The following ESR1 variants were observed in gnomAD, a reference collection of about 807,000 sequenced individuals.
The protein encoded by ESR1 is estrogen receptor.
Under a neutral mutation model 52.7 loss-of-function variants are expected in ESR1, and 12 were observed. The observed-to-expected ratio is 0.23, with a 90% CI of 0.15 to 0.37. The LOEUF (loss-of-function observed/expected upper bound fraction) is 0.37, where lower values mean the gene tolerates loss of function less well. Ranked by LOEUF, ESR1 falls within the 10% of genes least tolerant of loss-of-function variation. The pLI is 1.00. For missense variants in ESR1, 584 were observed against 779.7 expected (o/e 0.75, Z 2.99); for synonymous variants, 305 against 316.8 (o/e 0.96, Z 0.39).
intron 3 of ESR1, among the ~76,000 whole-genome samples, chr6:151,918,147 G>T (rs2030747605): frequency 1.3e-5 from 2 of 152,174 alleles, no homozygotes; most frequent in African/African-American, 2.4e-5. Context: ...GACAGCATGT[G>T]AATTGAGTTT....
chr6:151,779,272 A>C (rs898338900), intron 2 of ESR1, among the ~76,000 whole-genome samples: 1 of 152,160 alleles, frequency 6.6e-6, no homozygotes. Context: ...TTTTTGTATA[A>C]GGTATAAGGA....
intron 4 of ESR1, among the ~76,000 whole-genome samples, chr6:152,001,048 C>G (rs2041905291): frequency 1.3e-5 from 2 of 152,050 alleles, no homozygotes; most frequent in South Asian, 2.1e-4. Flanking sequence ...GACCTAGTAC[C>G]AAGCCAGAGG....
chr6:151,820,966 C>A (rs1364678803), intron 1 of ESR1, among the ~76,000 whole-genome samples: 5 of 152,084 alleles, frequency 3.3e-5, no homozygotes, highest in African/African-American at 1.2e-4. Flanking sequence ...CGTCTCTTTG[C>A]ACAAATAACA....
intron 6 of ESR1, chr6:152,122,352 G>T: frequency 6.2e-7 from 1 of 1,609,618 alleles, no homozygotes; most frequent in Admixed American, 1.7e-5. Context: ...CCAAGATCAA[G>T]GTCCTCTTGT....
At chr6:152,022,280 G>T (rs542516350) in intron 5 of ESR1, among the ~76,000 whole-genome samples, 1 of 152,142 alleles carries the variant, frequency 6.6e-6, no homozygotes, top group Admixed American at 6.5e-5. Context: ...CGGTATTGGC[G>T]ACTGAAAGGA....
At chr6:151,904,249 G>A (rs7740131) in intron 3 of ESR1, among the ~76,000 whole-genome samples, 103 of 152,172 alleles carry the variant, frequency 6.8e-4, no homozygotes, top group African/African-American at 2.4e-3. Context: ...ATAAAACTGT[G>A]CACTCCTTTA....
At chr6:151,938,111 AC>A (rs2034590031) in intron 3 of ESR1, among the ~76,000 whole-genome samples, 1 of 152,238 alleles carries the variant, frequency 6.6e-6, no homozygotes, top group Non-Finnish European at 1.5e-5. Flanking sequence ...TTATTGAGAA[AC>A]AAAAGAAAGT....
In ESR1 at chr6:151,772,651, T is replaced by C. The variant is rs574964503; in HGVS notation, c.-70-35192T>C. Among the ~76,000 whole-genome samples the C allele has an allele frequency of 7.2e-5, 11 of 152,356 alleles. No homozygotes were observed. The South Asian group carries it at 2.3e-3, about 32-fold the overall frequency. On this transcript the variant is annotated intron_variant, in intron 2 of 2. Coordinates refer to the ESR1 transcript ENST00000404742. ...GCCAAGAAGGATGGGAGCAGCTGCA[T>C]GCTAGTGAGCAATTCAAAGTTGGAT... is the stretch of plus-strand genomic sequence containing the variant.
At chr6:151,742,917 T>C (rs1165289887) in intron 2 of ESR1, among the ~76,000 whole-genome samples, 2 of 152,198 alleles carry the variant, frequency 1.3e-5, no homozygotes, top group Non-Finnish European at 2.9e-5. Flanking sequence ...TGGTTGAGAA[T>C]ACAAGATGGA....
At chr6:151,959,649 C>G (rs928377398) in intron 4 of ESR1, among the ~76,000 whole-genome samples, 1 of 152,060 alleles carries the variant, frequency 6.6e-6, no homozygotes, top group Non-Finnish European at 1.5e-5. Flanking sequence ...AATCTGAGAT[C>G]TATGCACCCA....
At chr6:151,975,771 A>G (rs563241142) in intron 4 of ESR1, among the ~76,000 whole-genome samples, 1 of 152,338 alleles carries the variant, frequency 6.6e-6, no homozygotes, top group South Asian at 2.1e-4. Flanking sequence ...TTGACCAACA[A>G]CTGGGCACCA....
chr6:151,944,834 T>G (rs527447165), intron 4 of ESR1, among the ~76,000 whole-genome samples: 1 of 152,312 alleles, frequency 6.6e-6, no homozygotes, highest in South Asian at 2.1e-4. Context: ...AGCAGAAACT[T>G]TTAACACTAA....
At chr6:152,065,564 G>A (rs2047900845) in intron 6 of ESR1, among the ~76,000 whole-genome samples, 1 of 152,122 alleles carries the variant, frequency 6.6e-6, no homozygotes, top group African/African-American at 2.4e-5. Context: ...CTTAACCACA[G>A]TTCTATATAT....
At position 151,808,169 on chromosome 6, in the gene ESR1, C is replaced by T. The variant is rs1307404491; in HGVS notation, c.257C>T (p.Ala86Val). 11 of 1,586,992 alleles carry T rather than the reference C, an allele frequency of 6.9e-6. No homozygotes were observed. Among genetic ancestry groups the T allele is most frequent in the Middle Eastern group, 1.7e-4 (1 of 6,028 alleles). Residue 86 changes from alanine (A) to valine (V), a missense_variant, in exon 1 of 8, where the codon GCT becomes GTT. This residue lies in a region of ESR1 where 251 missense variants were observed against 246.1 expected (regional missense o/e 1.02). Coordinates refer to ENST00000206249, the MANE Select transcript of ESR1 (RefSeq NM_000125.4). ...CTCCCCTACGGCCCCGGGTCTGAGG[C>T]TGCGGCGTTCGGCTCCAACGGCCTG... ...TGLPYGPGSEAAAFGSNGLGG... is the reference protein window; with the variant it reads ...TGLPYGPGSEVAAFGSNGLGG...
At chr6:151,890,356 G>A (rs886477558) in intron 3 of ESR1, among the ~76,000 whole-genome samples, 12 of 152,048 alleles carry the variant, frequency 7.9e-5, no homozygotes, top group Non-Finnish European at 8.8e-5. Context: ...CAAAGTGCTG[G>A]GATTACAGGA....
intron 5 of ESR1, among the ~76,000 whole-genome samples, chr6:152,047,725 T>G (rs2128916781): frequency 6.6e-6 from 1 of 152,306 alleles, no homozygotes; most frequent in Non-Finnish European, 1.5e-5. Context: ...ATTGCATTTG[T>G]ACCCTGTACA....
chr6:151,982,908 T>C (rs1321467212), intron 4 of ESR1, among the ~76,000 whole-genome samples: 3 of 152,176 alleles, frequency 2.0e-5, no homozygotes, highest in Admixed American at 1.3e-4. Flanking sequence ...ATCGGAGATA[T>C]TCGATCTCTG....
At chr6:151,960,957 G>A (rs1262647249) in intron 4 of ESR1, among the ~76,000 whole-genome samples, 2 of 152,178 alleles carry the variant, frequency 1.3e-5, no homozygotes, top group African/African-American at 2.4e-5. Context: ...AGTTATGGAT[G>A]ATTATTTTGT....
intron 7 of ESR1, chr6:152,096,730 A>T: frequency 2.2e-6 from 1 of 455,806 alleles, no homozygotes; most frequent in South Asian, 1.6e-5. Context: ...CTGCATTCAG[A>T]GTATACATTT....
Sources: gnomAD v4.1 joint callset for allele counts (sites outside exome capture counted in the v4.1 genomes callset) on GRCh38, gnomAD v4.1.1 for gene constraint, gnomAD v4.1.1 regional missense constraint, MANE v1.5 for transcripts, NCBI Gene and HGNC (gene_info 2026-07-23, HGNC 2026-07-21) for gene names.